Variants in TRDN observed in about 807,000 individuals in gnomAD.
TRDN encodes triadin in skeletal muscle.
In TRDN, 161 loss-of-function variants were observed where a neutral mutation model predicts 149.7. The ratio of observed to expected loss-of-function variants is 1.08; its 90% CI spans 0.95 to 1.23. TRDN has a LOEUF of 1.23. Among genes scored for constraint, TRDN ranks in the 50% most tolerant of loss-of-function variants. The probability of loss-of-function intolerance (pLI) is 0.00; values close to 1 mark genes in which losing one functional copy is unlikely to be tolerated. For synonymous variants in TRDN, 294 were observed against 250.5 expected, an observed-to-expected ratio of 1.17 and a Z score of -1.64; for missense variants, 896 against 823.5, an observed-to-expected ratio of 1.09 and a Z score of -1.08.
At chr6:123,278,587 T>C (rs1777460117) in intron 25 of TRDN, among the ~76,000 whole-genome samples, 1 of 152,176 alleles carries the variant, frequency 6.6e-6, no homozygotes, top group Admixed American at 6.6e-5. Context: ...CCAGGCATGG[T>C]GGCTCATGCC....
chr6:123,224,816 G>T (rs558287784), intron 38 of TRDN, among the ~76,000 whole-genome samples: 2 of 151,774 alleles, frequency 1.3e-5, no homozygotes, highest in African/African-American at 4.8e-5. Flanking sequence ...AAGCACTGGG[G>T]AAGAGCTTCT....
intron 21 of TRDN, chr6:123,350,992 A>G (rs187682415): frequency 8.1e-6 from 8 of 984,930 alleles, no homozygotes; most frequent in Non-Finnish European, 9.6e-6. Flanking sequence ...ATCAGAAGAA[A>G]GAAACAATGT....
chr6:123,467,617 C>T (rs998654723), intron 9 of TRDN, among the ~76,000 whole-genome samples: 1 of 152,060 alleles, frequency 6.6e-6, no homozygotes, highest in South Asian at 2.1e-4. Flanking sequence ...GAATTACTAA[C>T]TCAGGACAAG....
At chr6:123,395,631 A>G (rs1327738654) in intron 12 of TRDN, among the ~76,000 whole-genome samples, 5 of 152,138 alleles carry the variant, frequency 3.3e-5, no homozygotes, top group African/African-American at 9.7e-5. Context: ...CATGCCAAAG[A>G]AAACAGTCCA....
intron 9 of TRDN, among the ~76,000 whole-genome samples, chr6:123,472,447 G>A (rs796729606): frequency 1.2e-4 from 18 of 152,312 alleles, no homozygotes; most frequent in African/African-American, 4.1e-4. Context: ...ACGGAATCTC[G>A]CTGATTGCTA....
chr6:123,381,956 G>GCC (rs1554230328), intron 15 of TRDN, among the ~76,000 whole-genome samples, 162 bp downstream of exon 15: 1 of 138,452 alleles, frequency 7.2e-6, no homozygotes, highest in Non-Finnish European at 1.6e-5. Context: ...TAGATTTGGC[G>GCC]CTCTCTCTCT....
chr6:123,497,230 A>G lies in TRDN; in HGVS notation c.816T>C (p.Tyr272=). Residue 272 remains tyrosine (Y), a synonymous_variant, in exon 9 of 41, where the codon TAT becomes TAC. Transcript: ENST00000334268. ...CCCCATGGACAAATATGTCAATCAT[A>G]TATCGACAGAATGCATACTGATCTG... is the stretch of plus-strand genomic sequence containing the variant. ...EQKDQYAFCR[Y]MIDIFVHGDL... is the part of the protein sequence containing the mutation. 1.9e-6 allele frequency: 3 copies of G among 1,557,654 alleles called. No individual in the cohort carries two copies. Among genetic ancestry groups the G allele is most frequent in the Non-Finnish European group, 1.7e-6 (2 of 1,152,722 alleles).
intron 35 of TRDN, among the ~76,000 whole-genome samples, chr6:123,259,162 A>G (rs1776667226): frequency 6.6e-6 from 1 of 151,128 alleles, no homozygotes; most frequent in Admixed American, 6.6e-5. Flanking sequence ...GATCTTAGTT[A>G]TTTCTTGTCT....
At chr6:123,347,727 A>C (rs1283715925) in intron 21 of TRDN, among the ~76,000 whole-genome samples, 2 of 152,092 alleles carry the variant, frequency 1.3e-5, no homozygotes, top group Non-Finnish European at 2.9e-5. Flanking sequence ...CATGTCTTAC[A>C]AGTGAGAATT....
At chr6:123,507,120 A>G (rs1778964839) in intron 7 of TRDN, among the ~76,000 whole-genome samples, 1 of 152,082 alleles carries the variant, frequency 6.6e-6, no homozygotes, top group African/African-American at 2.4e-5. Context: ...CATTATGTAA[A>G]TATGTGTTTA....
chr6:123,252,532 TCTTG>T (rs1776410905), intron 37 of TRDN, 97 bp from the exon 38 acceptor site: 1 of 626,024 alleles, frequency 1.6e-6, no homozygotes, highest in African/African-American at 1.9e-5. Flanking sequence ...TTATTTTGTT[TCTTG>T]CTTATTATTT....
At chr6:123,352,270 G>A (rs1277820268) in intron 21 of TRDN, 1 of 984,756 alleles carries the variant, frequency 1.0e-6, no homozygotes, top group East Asian at 1.1e-4. Context: ...CTTATTCCCA[G>A]CAATCTTCAG....
chr6:123,222,449 T>C (rs1333460824), intron 39 of TRDN, among the ~76,000 whole-genome samples: 3 of 150,242 alleles, frequency 2.0e-5, no homozygotes, highest in East Asian at 2.0e-4. Flanking sequence ...CACTGGTCTA[T>C]GAGTAAAAAA....
At chr6:123,492,643 C>T (rs111456861) in intron 9 of TRDN, among the ~76,000 whole-genome samples, 4,217 of 151,862 alleles carry the variant, frequency 0.028, 76 homozygotes, top group Non-Finnish European at 0.043. Flanking sequence ...ATGTGCTAAG[C>T]CACACAAAAT....
chr6:123,458,710 G>C (rs1361900358), intron 10 of TRDN, among the ~76,000 whole-genome samples: 1 of 152,110 alleles, frequency 6.6e-6, no homozygotes, highest in Non-Finnish European at 1.5e-5. Context: ...TTCCTTTCTT[G>C]GGTCTATGCT....
intron 1 of TRDN, among the ~76,000 whole-genome samples, chr6:123,580,674 A>T (rs932913654): frequency 6.6e-6 from 1 of 152,188 alleles, no homozygotes; most frequent in African/African-American, 2.4e-5. Flanking sequence ...CCTGTCAAAA[A>T]GAGACCCTGC....
chr6:123,498,411 T>C (rs1778539780), intron 8 of TRDN: 1 of 343,352 alleles, frequency 2.9e-6, no homozygotes, highest in African/African-American at 2.1e-5. Context: ...ATATAGTTAT[T>C]GAAGAAGATA....
intron 2 of TRDN, among the ~76,000 whole-genome samples, chr6:123,570,623 C>G (rs991981071): frequency 2.6e-5 from 4 of 152,096 alleles, no homozygotes; most frequent in Non-Finnish European, 5.9e-5. Context: ...CAGTTCCAAA[C>G]GAAATCTTCA....
intron 23 of TRDN, among the ~76,000 whole-genome samples, chr6:123,329,411 C>T (rs1447033572): frequency 1.3e-5 from 2 of 152,002 alleles, no homozygotes; most frequent in African/African-American, 4.8e-5. Flanking sequence ...AAACTTTAAC[C>T]TAGAAAATTT....
Sources: gnomAD v4.1 joint callset for allele counts (sites outside exome capture counted in the v4.1 genomes callset) on GRCh38, gnomAD v4.1.1 for gene constraint, MANE v1.5 for transcripts, NCBI Gene and HGNC (gene_info 2026-07-23, HGNC 2026-07-21) for gene names.